PPP2R2C: variants seen among roughly 807,000 people sequenced by gnomAD.
PPP2R2C encodes protein phosphatase 2, regulatory subunit B, gamma.
PPP2R2C carries 10 observed loss-of-function variants against 45.3 expected under a neutral mutation model. The ratio of observed to expected loss-of-function variants is 0.22; its 90% confidence interval spans 0.14 to 0.37. The LOEUF is 0.37. Among genes scored for constraint, PPP2R2C ranks in the 10% least tolerant of loss-of-function variants. The pLI, the probability that PPP2R2C is intolerant of heterozygous loss-of-function variation, is 1.00. For missense variants in PPP2R2C, 308 were observed against 619.7 expected, an observed-to-expected ratio of 0.50 and a Z score of 5.34; for synonymous variants, 257 against 245.4, an observed-to-expected ratio of 1.05 and a Z score of -0.44.
intron 2 of PPP2R2C, among the ~76,000 whole-genome samples, chr4:6,495,678 G>A (rs1001624095): frequency 1.3e-5 from 2 of 152,250 alleles, no homozygotes; most frequent in East Asian, 3.8e-4. Flanking sequence ...TCCTCCAGGG[G>A]ATGTGGTGAA....
rs538348328 is a variant in PPP2R2C, at chr4:6,463,121, G to T, written c.70+9039C>A. Among the ~76,000 whole-genome samples the T allele has an allele frequency of 3.3e-5, 5 of 152,250 alleles. No homozygotes were observed. In the East Asian group the frequency reaches 9.6e-4, roughly 29 times the overall value. Reference sequence around the variant, plus strand: ...AAAAAAACATTCAGAAGCTAATCATGATCATGAAAGAGCTCCCTTTTATTG... The same window carrying T: ...AAAAAAACATTCAGAAGCTAATCATTATCATGAAAGAGCTCCCTTTTATTG... On this transcript the variant is annotated intron_variant, in intron 1 of 8. Coordinates refer to ENST00000382599, the MANE Select transcript of PPP2R2C (RefSeq NM_020416.4).
intron 1 of PPP2R2C, among the ~76,000 whole-genome samples, chr4:6,449,519 C>T (rs911408813): frequency 5.9e-5 from 9 of 152,240 alleles, no homozygotes; most frequent in Non-Finnish European, 8.8e-5. Flanking sequence ...GTGAGACATG[C>T]GGACCCCCGC....
At chr4:6,325,240 T>C (rs1328841520) in intron 8 of PPP2R2C, among the ~76,000 whole-genome samples, 1 of 152,136 alleles carries the variant, frequency 6.6e-6, no homozygotes, top group Non-Finnish European at 1.5e-5. Flanking sequence ...TCAGGGGACA[T>C]AGGCTGAACA....
chr4:6,348,912 G>A, intron 5 of PPP2R2C: 1 of 821,374 alleles, frequency 1.2e-6, no homozygotes. Context: ...TGCTTGCAAA[G>A]GCAGTATCCC....
At chr4:6,349,970 T>C (rs1712392053) in intron 5 of PPP2R2C, 2 of 985,282 alleles carry the variant, frequency 2.0e-6, no homozygotes, top group South Asian at 9.4e-5. Context: ...ATGGCTGATC[T>C]GTGCAGTCAG....
intron 1 of PPP2R2C, among the ~76,000 whole-genome samples, chr4:6,419,842 T>G (rs952025724): frequency 3.3e-5 from 5 of 152,086 alleles, no homozygotes; most frequent in African/African-American, 1.2e-4. Context: ...TCTGCCTCTG[T>G]CATCACACGG....
chr4:6,372,522 C>A lies in PPP2R2C; in HGVS notation c.625+1G>T, dbSNP rs1714927596. The A allele has an allele frequency of 6.2e-7, 1 of 1,613,948 alleles. No homozygotes were observed. Among genetic ancestry groups the A allele is most frequent in the Non-Finnish European group, 8.5e-7 (1 of 1,179,856 alleles). On this transcript the variant is annotated splice_donor_variant, in intron 5 of 8. Transcript: ENST00000382599. LOFTEE classifies it high-confidence loss of function. ...ACTGGCCAGGCCACAGTGAAGGATA[C>A]TGAAGCTCCTGTCGGTGATGGCCAG...
chr4:6,511,291 C>T (rs55999481), intron 2 of PPP2R2C, among the ~76,000 whole-genome samples: 14 of 98,648 alleles, frequency 1.4e-4, no homozygotes, highest in Non-Finnish European at 2.8e-4. Flanking sequence ...GATGCTGATG[C>T]TGATGGTGGT....
chr4:6,511,141 T>C (rs1379691110), intron 2 of PPP2R2C, among the ~76,000 whole-genome samples: 1 of 152,246 alleles, frequency 6.6e-6, no homozygotes, highest in African/African-American at 2.4e-5. Context: ...TAATCGCCCA[T>C]TGCATGCGGT....
At chr4:6,333,419 T>C (rs1217045487) in intron 7 of PPP2R2C, 143 bp downstream of exon 7, 1 of 942,474 alleles carries the variant, frequency 1.1e-6, no homozygotes, top group Non-Finnish European at 1.6e-6. Flanking sequence ...TGGGGATGAG[T>C]TGCTGGATTT....
At chr4:6,534,145 C>A (rs1724502142) in intron 2 of PPP2R2C, among the ~76,000 whole-genome samples, 1 of 150,960 alleles carries the variant, frequency 6.6e-6, no homozygotes, top group Admixed American at 6.6e-5. Context: ...AACACACACA[C>A]CAACATACAC....
chr4:6,372,705 A>G lies in PPP2R2C; in HGVS notation c.448-5T>C. The G allele has an allele frequency of 6.2e-7, 1 of 1,613,630 alleles. No homozygotes were observed. Among genetic ancestry groups the G allele is most frequent in the South Asian group, 1.1e-5 (1 of 91,074 alleles). On this transcript the variant is annotated splice_region_variant and splice_polypyrimidine_tract_variant and intron_variant, in intron 4 of 8. Coordinates refer to ENST00000382599, the MANE Select transcript of PPP2R2C (RefSeq NM_020416.4). ...CATGGGCTTCAGCACTGGCACCTGC[A>G]GAGGATGAGGAGGCAGGGAAGAGGT...
chr4:6,534,918 C>A (rs950869221), intron 2 of PPP2R2C, among the ~76,000 whole-genome samples: 1 of 152,204 alleles, frequency 6.6e-6, no homozygotes, highest in African/African-American at 2.4e-5. Context: ...CTGGCCACAG[C>A]GGGCACTCAA....
rs150083552 is a variant in PPP2R2C, at chr4:6,459,565, G to A, written c.70+12595C>T. On this transcript the variant is annotated intron_variant, in intron 1 of 8. Transcript: ENST00000382599. ...TACAGTAGAGAAACAGGCCAAGAAC[G>A]GTGCACAAAAAAACTTACAATTGAA... Among the ~76,000 whole-genome samples the A allele has an allele frequency of 1.5e-4, 23 of 152,054 alleles. No individual in the cohort carries two copies. In the East Asian group the frequency reaches 3.7e-3, roughly 24 times the overall value.
chr4:6,388,647 A>C (rs1191243378), intron 1 of PPP2R2C, among the ~76,000 whole-genome samples: 1 of 152,032 alleles, frequency 6.6e-6, no homozygotes, highest in Non-Finnish European at 1.5e-5. Flanking sequence ...CACACCTGTA[A>C]TCCCAGCACT....
intron 1 of PPP2R2C, among the ~76,000 whole-genome samples, chr4:6,465,630 TG>T (rs1383929265): frequency 4.0e-5 from 6 of 151,666 alleles, no homozygotes; most frequent in African/African-American, 1.5e-4. Context: ...TGGTGTTATT[TG>T]CTATTTAATG....
intron 1 of PPP2R2C, among the ~76,000 whole-genome samples, chr4:6,392,170 T>G (rs1716689601): frequency 6.6e-6 from 1 of 152,220 alleles, no homozygotes; most frequent in Non-Finnish European, 1.5e-5. Flanking sequence ...ATGACATTGA[T>G]TGTACATTTA....
At chr4:6,475,658 TC>T (rs1722116315), upstream of PPP2R2C, among the ~76,000 whole-genome samples, 1 of 152,164 alleles carries the variant, frequency 6.6e-6, no homozygotes, top group Admixed American at 6.5e-5. Context: ...TCCCTTTACT[TC>T]AGTGGCACCA....
At chr4:6,401,618 G>C (rs1717416019) in intron 1 of PPP2R2C, among the ~76,000 whole-genome samples, 1 of 152,056 alleles carries the variant, frequency 6.6e-6, no homozygotes, top group South Asian at 2.1e-4. Context: ...ATAGCCCTTT[G>C]AGCTCCACCC....
Sources: gnomAD v4.1 joint callset for allele counts (sites outside exome capture counted in the v4.1 genomes callset) on GRCh38, gnomAD v4.1.1 for gene constraint, MANE v1.5 for transcripts, NCBI Gene and HGNC (gene_info 2026-07-23, HGNC 2026-07-21) for gene names.